The following TBC1D5 variants were observed in gnomAD, a reference collection of about 807,000 sequenced individuals.
TBC1D5 encodes TBC1 domain family, member 5.
A neutral mutation model predicts 100.3 loss-of-function variants in TBC1D5; 75 were observed. That is an observed-to-expected ratio of 0.75 (90% CI 0.62 to 0.91). TBC1D5 has a LOEUF of 0.91. Among genes scored for constraint, TBC1D5 ranks in the 40% least tolerant of loss-of-function variants. The pLI, the probability that TBC1D5 is intolerant of heterozygous loss-of-function variation, is 0.00. For synonymous variants in TBC1D5, 323 were observed against 325.6 expected (o/e 0.99, Z 0.09); for missense variants, 910 against 942.4 (o/e 0.97, Z 0.45).
chr3:17,321,347 C>T (rs1449574869), intron 13 of TBC1D5, among the ~76,000 whole-genome samples: 1 of 152,194 alleles, frequency 6.6e-6, no homozygotes, highest in African/African-American at 2.4e-5. Context: ...AGGCTCAGTC[C>T]TGTGTATTAT....
chr3:17,495,535 T>TTGACAGCACA (rs2095695327), intron 3 of TBC1D5, among the ~76,000 whole-genome samples: 1 of 152,240 alleles, frequency 6.6e-6, no homozygotes, highest in South Asian at 2.1e-4. Flanking sequence ...TATGACTTGG[T>TTGACAGCACA]TGACAGCACA....
intron 3 of TBC1D5, among the ~76,000 whole-genome samples, chr3:17,436,528 C>CT (rs1033771357): frequency 2.5e-4 from 38 of 152,150 alleles, no homozygotes; most frequent in African/African-American, 8.2e-4. Flanking sequence ...TTCTGAAAAA[C>CT]TTTATCAAAA....
chr3:17,617,924 T>C (rs368801049), intron 2 of TBC1D5, among the ~76,000 whole-genome samples: 12 of 152,332 alleles, frequency 7.9e-5, no homozygotes, highest in East Asian at 3.9e-4. Flanking sequence ...TCTTCCTCCA[T>C]ACAGCTTTAT....
chr3:17,400,167 C>G (rs771445905), intron 8 of TBC1D5, among the ~76,000 whole-genome samples: 4 of 152,088 alleles, frequency 2.6e-5, no homozygotes, highest in African/African-American at 9.7e-5. Flanking sequence ...CTCTGTCCCC[C>G]ACAGTGCAAA....
chr3:17,312,547 G>A (rs780442025), intron 13 of TBC1D5, among the ~76,000 whole-genome samples: 1 of 152,106 alleles, frequency 6.6e-6, no homozygotes, highest in Non-Finnish European at 1.5e-5. Context: ...AACCCAGCTT[G>A]AATTTGCCTT....
chr3:17,593,851 G>A (rs988272371), intron 2 of TBC1D5, among the ~76,000 whole-genome samples: 1 of 152,112 alleles, frequency 6.6e-6, no homozygotes, highest in Admixed American at 6.5e-5. Flanking sequence ...TGCAAGGCTT[G>A]GGCAAAGTTC....
upstream of TBC1D5, among the ~76,000 whole-genome samples, chr3:17,742,299 C>T (rs999833373): frequency 2.6e-5 from 4 of 152,172 alleles, no homozygotes; most frequent in African/African-American, 9.6e-5. Context: ...CCCTCAGGCC[C>T]TCCCGTGAGA....
intron 2 of TBC1D5, among the ~76,000 whole-genome samples, chr3:17,614,395 T>C (rs1252213017): frequency 6.6e-6 from 1 of 152,224 alleles, no homozygotes; most frequent in Non-Finnish European, 1.5e-5. Context: ...CATATGAACT[T>C]TAAAGTAGTT....
chr3:17,360,691 C>A (rs901741096), intron 13 of TBC1D5, among the ~76,000 whole-genome samples: 1 of 151,726 alleles, frequency 6.6e-6, no homozygotes, highest in Non-Finnish European at 1.5e-5. Flanking sequence ...ATAAACTGTT[C>A]TAATAAATAC....
intron 16 of TBC1D5, among the ~76,000 whole-genome samples, chr3:17,251,425 ACCCC>A (rs67701407): frequency 4.5e-5 from 5 of 111,188 alleles, no homozygotes; most frequent in Admixed American, 1.1e-4. Context: ...ACTCACGGGA[ACCCC>A]CCCCCCCCCA....
chr3:17,165,329 C>G (rs563832729), intron 21 of TBC1D5, among the ~76,000 whole-genome samples: 1 of 152,258 alleles, frequency 6.6e-6, no homozygotes, highest in East Asian at 1.9e-4. Context: ...CTGACACACT[C>G]AACTAAAAAA....
intron 18 of TBC1D5, 62 bp downstream of exon 19, chr3:17,214,145 T>C: frequency 2.0e-6 from 3 of 1,516,372 alleles, no homozygotes; most frequent in Non-Finnish European, 1.8e-6. Flanking sequence ...AGAGCTTTCA[T>C]AAATGCAGCA....
chr3:17,371,917 G>T (rs943684065), intron 13 of TBC1D5, among the ~76,000 whole-genome samples, 158 bp downstream of exon 13: 4 of 152,014 alleles, frequency 2.6e-5, no homozygotes, highest in Non-Finnish European at 4.4e-5. Context: ...CGCGTCTGTG[G>T]TACCAGCTAC....
At chr3:17,604,802 G>C (rs2061234105) in intron 2 of TBC1D5, among the ~76,000 whole-genome samples, 1 of 152,070 alleles carries the variant, frequency 6.6e-6, no homozygotes, top group African/African-American at 2.4e-5. Flanking sequence ...AGCCTCCTGA[G>C]TTCCTGGGAC....
chr3:17,660,898 A>C (rs1354843114), intron 1 of TBC1D5, among the ~76,000 whole-genome samples: 1 of 152,214 alleles, frequency 6.6e-6, no homozygotes, highest in Non-Finnish European at 1.5e-5. Context: ...AAGCTATTTG[A>C]AACCTGGAAA....
intron 1 of TBC1D5, among the ~76,000 whole-genome samples, chr3:17,681,926 G>A (rs1440136652): frequency 1.3e-5 from 2 of 151,528 alleles, no homozygotes; most frequent in Non-Finnish European, 2.9e-5. Context: ...TCATACGAAT[G>A]CAAACCCTAC....
intron 13 of TBC1D5, among the ~76,000 whole-genome samples, chr3:17,319,738 C>T (rs950295490): frequency 3.3e-5 from 5 of 151,990 alleles, no homozygotes; most frequent in African/African-American, 9.7e-5. Context: ...GGTGGGGTGG[C>T]GGGCACCTGT....
intron 3 of TBC1D5, among the ~76,000 whole-genome samples, chr3:17,483,787 C>T (rs1160638275): frequency 1.3e-5 from 2 of 151,968 alleles, no homozygotes; most frequent in Non-Finnish European, 1.5e-5. Context: ...AATTTTAACA[C>T]ACAATTAATT....
intron 2 of TBC1D5, among the ~76,000 whole-genome samples, chr3:17,618,450 C>T (rs573257187): frequency 2.0e-5 from 3 of 152,328 alleles, no homozygotes; most frequent in East Asian, 1.9e-4. Context: ...TAGACAGGGA[C>T]GTTTAAGTCT....
Sources: allele counts gnomAD v4.1 joint callset (sites outside exome capture counted in the v4.1 genomes callset), GRCh38; gene constraint gnomAD v4.1.1; transcripts MANE v1.5; gene names NCBI Gene and HGNC (gene_info 2026-07-23, HGNC 2026-07-21).